Variants in CFAP54 observed in about 807,000 individuals in gnomAD.
The protein encoded by CFAP54 is cilia and flagella associated protein 54.
CFAP54 carries 290 observed loss-of-function variants against 370.4 expected under a neutral mutation model. The ratio of observed to expected loss-of-function variants is 0.78; its 90% CI spans 0.71 to 0.86. The LOEUF is 0.86. Among genes scored for constraint, CFAP54 ranks in the 40% least tolerant of loss-of-function variants. The pLI is 0.00. For missense variants in CFAP54, 3,399 were observed against 3,528.7 expected (o/e 0.96, Z 0.93); for synonymous variants, 1,206 against 1,236.5 (o/e 0.98, Z 0.52).
intron 6 of CFAP54, 85 bp from the exon 7 acceptor site, chr12:96,521,772 T>C: frequency 9.9e-7 from 1 of 1,006,196 alleles, no homozygotes; most frequent in South Asian, 1.8e-5. Flanking sequence ...TTAAATCAAA[T>C]GCCTGGGAGA....
chr12:96,707,579 G>C (rs1957560035), intron 47 of CFAP54, among the ~76,000 whole-genome samples: 1 of 152,100 alleles, frequency 6.6e-6, no homozygotes. Flanking sequence ...AGAGTTTTTG[G>C]GTTATTAAAA....
chr12:96,704,726 A>G lies in CFAP54; in HGVS notation c.6475-17A>G, dbSNP rs1277049595. 3 of 1,183,344 alleles carry G rather than the reference A, an allele frequency of 2.5e-6. No individual in the cohort carries two copies. Among genetic ancestry groups the G allele is most frequent in the East Asian group, 2.9e-5 (1 of 34,038 alleles). 73.3% of individuals were successfully genotyped at this position (1,183,344 alleles called of 1,614,324 possible). A position where few individuals can be genotyped will look rare whatever the true frequency, so the allele number is the denominator to read the frequency against. Reference sequence around the variant, plus strand: ...AAGTAATCTTGTTCTTGCTGTTACTATTTTGTATTTTGACAGATCTTTCAA... The same window carrying G: ...AAGTAATCTTGTTCTTGCTGTTACTGTTTTGTATTTTGACAGATCTTTCAA... On this transcript the variant is annotated splice_polypyrimidine_tract_variant and intron_variant, in intron 46 of 67. Coordinates refer to ENST00000524981, the MANE Select transcript of CFAP54 (RefSeq NM_001306084.2).
chr12:96,551,113 A>G (rs1235649063), intron 15 of CFAP54, among the ~76,000 whole-genome samples: 1 of 152,136 alleles, frequency 6.6e-6, no homozygotes, highest in African/African-American at 2.4e-5. Context: ...TGCAAAAAAA[A>G]TACAAAAATT....
In CFAP54 at chr12:96,659,123, G is replaced by A. The variant is rs61072453; in HGVS notation, c.5460+777G>A. On this transcript the variant is annotated intron_variant, in intron 38 of 67. Transcript: ENST00000524981. ...CAGCCTCCGCCTCCCAGGTTCCTGC[G>A]TGTCTTTCAATTCAGTTTCTACACA... Among the ~76,000 whole-genome samples, 591 of 152,258 alleles carry A rather than the reference G, an allele frequency of 3.9e-3. 4 individuals are homozygous for A. The highest frequency in any genetic ancestry group is 0.013 in the African/African-American group (527 of 41,526).
chr12:96,656,937 T>TA (rs1956929193), intron 36 of CFAP54, among the ~76,000 whole-genome samples: 1 of 152,254 alleles, frequency 6.6e-6, no homozygotes, highest in Non-Finnish European at 1.5e-5. Flanking sequence ...TCACTGGTGC[T>TA]ACACCTGCTA....
chr12:96,548,121 G>T (rs1361636601), intron 15 of CFAP54, 143 bp downstream of exon 15: 1 of 434,764 alleles, frequency 2.3e-6, no homozygotes, highest in Non-Finnish European at 4.1e-6. Flanking sequence ...TATATATTGA[G>T]AACTATAGGG....
At chr12:96,801,380 C>T (rs1289530328) in intron 63 of CFAP54, among the ~76,000 whole-genome samples, 1 of 152,104 alleles carries the variant, frequency 6.6e-6, no homozygotes, top group African/African-American at 2.4e-5. Context: ...GAACTTTGTA[C>T]AAACTGAGCA....
intron 45 of CFAP54, among the ~76,000 whole-genome samples, chr12:96,697,919 C>T (rs1957453023): frequency 6.6e-6 from 1 of 152,200 alleles, no homozygotes; most frequent in South Asian, 2.1e-4. Flanking sequence ...ACATTCACCT[C>T]CTGACCTCCT....
At chr12:96,503,408 TCTCC>T (rs376584953) in intron 2 of CFAP54, among the ~76,000 whole-genome samples, 1,658 of 125,266 alleles carry the variant, frequency 0.013, 18 homozygotes, top group Non-Finnish European at 0.018. Context: ...TCCCTTCCTC[TCTCC>T]CTCCCTCCCT....
chr12:96,548,850 C>T (rs79197625), intron 15 of CFAP54, among the ~76,000 whole-genome samples: 2,312 of 151,526 alleles, frequency 0.015, 59 homozygotes, highest in African/African-American at 0.052. Flanking sequence ...AAAGTTCCTC[C>T]GGTAGATTTT....
At chr12:96,644,536 C>T in intron 33 of CFAP54, 128 bp downstream of exon 33, 1 of 653,216 alleles carries the variant, frequency 1.5e-6, no homozygotes, top group South Asian at 2.0e-5. Flanking sequence ...TTTATACTGG[C>T]TCTATTAGTC....
At chr12:96,772,258 T>C (rs1592753114) in intron 60 of CFAP54, among the ~76,000 whole-genome samples, 1 of 152,146 alleles carries the variant, frequency 6.6e-6, no homozygotes, top group Non-Finnish European at 1.5e-5. Flanking sequence ...TACCACACAT[T>C]TATTGTCTTT....
intron 39 of CFAP54, among the ~76,000 whole-genome samples, chr12:96,671,043 G>A (rs980682499): frequency 3.9e-5 from 6 of 152,138 alleles, no homozygotes; most frequent in Admixed American, 3.9e-4. Flanking sequence ...TGCTATCCCA[G>A]CTCACTGTAA....
rs761992545 is a variant in CFAP54, at chr12:96,720,486, G to A, written c.6886G>A (p.Ala2296Thr). 34 of 1,603,004 alleles carry A rather than the reference G, an allele frequency of 2.1e-5. No individual in the cohort carries two copies. The highest frequency in any genetic ancestry group is 1.9e-5 in the Non-Finnish European group (22 of 1,173,780). ...VEQKTLSQCSAGELEIVVEAR... is the reference protein window; with the variant it reads ...VEQKTLSQCSTGELEIVVEAR... ...ACAGAAGACCCTGTCTCAGTGCTCC[G>A]CTGGCGAGCTGGAGATTGTGGTGGA... Residue 2296 changes from alanine (A) to threonine (T), a missense_variant, in exon 50 of 68, where the codon GCT becomes ACT. Physicochemically the swap from Ala to Thr is moderately conservative, Grantham distance 58. Transcript: ENST00000524981.
chr12:96,783,088 A>G (rs1384352109), intron 60 of CFAP54, among the ~76,000 whole-genome samples: 1 of 152,230 alleles, frequency 6.6e-6, no homozygotes. Context: ...TGCATGCAGT[A>G]TGATTCTCTT....
intron 1 of CFAP54, among the ~76,000 whole-genome samples, chr12:96,493,951 G>A (rs1243269495): frequency 6.6e-6 from 1 of 152,244 alleles, no homozygotes; most frequent in Non-Finnish European, 1.5e-5. Context: ...AAGGTGGTCA[G>A]AAGTAGATGA....
intron 1 of CFAP54, among the ~76,000 whole-genome samples, chr12:96,499,114 G>T (rs1954992833): frequency 6.6e-6 from 1 of 152,066 alleles, no homozygotes; most frequent in Admixed American, 6.6e-5. Flanking sequence ...GACTACAGAT[G>T]TGCGCCACCA....
chr12:96,665,512 G>T (rs1860837479), intron 39 of CFAP54, among the ~76,000 whole-genome samples: 1 of 152,166 alleles, frequency 6.6e-6, no homozygotes, highest in Non-Finnish European at 1.5e-5. Context: ...TGTAAGGAAG[G>T]GGTTTAGTTT....
intron 8 of CFAP54, among the ~76,000 whole-genome samples, chr12:96,525,839 C>T (rs376983925): frequency 4.6e-5 from 7 of 152,146 alleles, no homozygotes; most frequent in East Asian, 1.9e-4. Context: ...TACAGGCGCG[C>T]GCCACCATGC....
Sources: allele counts gnomAD v4.1 joint callset (sites outside exome capture counted in the v4.1 genomes callset), GRCh38; gene constraint gnomAD v4.1.1; transcripts MANE v1.5; gene names NCBI Gene and HGNC (gene_info 2026-07-23, HGNC 2026-07-21).